The following DOCK1 variants were observed in gnomAD, a reference collection of about 807,000 sequenced individuals.
DOCK1 encodes dedicator of cytokinesis protein 1.
Under a neutral mutation model 262.7 loss-of-function variants are expected in DOCK1, and 138 were observed. The observed-to-expected ratio is 0.53, with a 90% confidence interval of 0.46 to 0.61. DOCK1 has a LOEUF of 0.61. DOCK1 is among the 20% of genes least tolerant of loss of function. The probability of loss-of-function intolerance (pLI) is 0.00; values close to 1 mark genes in which losing one functional copy is unlikely to be tolerated. For synonymous variants in DOCK1, 866 were observed against 867.4 expected, an observed-to-expected ratio of 1.00 and a Z score of 0.03; for missense variants, 1,908 against 2,370.7, an observed-to-expected ratio of 0.80 and a Z score of 4.05.
At chr10:127,017,196 C>G (rs1479328660) in intron 12 of DOCK1, among the ~76,000 whole-genome samples, 2 of 145,072 alleles carry the variant, frequency 1.4e-5, no homozygotes, top group African/African-American at 5.1e-5. Context: ...CACATACACA[C>G]GCACACACAG....
At chr10:127,198,355 T>C (rs1365736978) in intron 27 of DOCK1, among the ~76,000 whole-genome samples, 3 of 152,232 alleles carry the variant, frequency 2.0e-5, no homozygotes, top group African/African-American at 7.2e-5. Context: ...AAAATTGAAA[T>C]CTGCCTTCCG....
chr10:127,397,919 G>T (rs528456811), intron 38 of DOCK1, among the ~76,000 whole-genome samples: 1 of 152,008 alleles, frequency 6.6e-6, no homozygotes, highest in East Asian at 1.9e-4. Flanking sequence ...ATGGCTCCTG[G>T]ATGACACAAA....
intron 33 of DOCK1, among the ~76,000 whole-genome samples, chr10:127,372,439 C>T (rs1033119242): frequency 1.3e-5 from 2 of 152,144 alleles, no homozygotes; most frequent in African/African-American, 4.8e-5. Flanking sequence ...ATTTATCAAC[C>T]CTCTAGACCG....
At chr10:127,381,812 T>C (rs2065840730) in intron 37 of DOCK1, among the ~76,000 whole-genome samples, 4 of 152,246 alleles carry the variant, frequency 2.6e-5, no homozygotes, top group Admixed American at 2.6e-4. Flanking sequence ...TCAGTTCACG[T>C]TGAGACCTCC....
intron 21 of DOCK1, among the ~76,000 whole-genome samples, chr10:127,043,578 A>G (rs1207031613): frequency 6.6e-6 from 1 of 152,216 alleles, no homozygotes; most frequent in Non-Finnish European, 1.5e-5. Flanking sequence ...TTTGCAATGT[A>G]TCTCCTTGCT....
intron 27 of DOCK1, among the ~76,000 whole-genome samples, chr10:127,150,412 A>T (rs1025182483): frequency 1.3e-5 from 2 of 152,200 alleles, no homozygotes; most frequent in African/African-American, 4.8e-5. Context: ...CCACCAGGGC[A>T]GAATCACACA....
intron 48 of DOCK1, among the ~76,000 whole-genome samples, chr10:127,436,925 C>A (rs2069726034): frequency 2.0e-5 from 3 of 151,950 alleles, no homozygotes; most frequent in African/African-American, 7.3e-5. Context: ...CTCTTTAAGT[C>A]TCTTTTAGTC....
At chr10:127,427,223 A>AAGGAAGGCGAGCTGT (rs1462402158) in intron 47 of DOCK1, among the ~76,000 whole-genome samples, 20 of 152,294 alleles carry the variant, frequency 1.3e-4, no homozygotes, top group African/African-American at 4.6e-4. Flanking sequence ...TCCCCGGCAA[A>AAGGAAGGCGAGCTGT]AGGAAGGCGA....
chr10:127,217,301 C>T (rs1386688929), intron 27 of DOCK1, among the ~76,000 whole-genome samples: 3 of 152,120 alleles, frequency 2.0e-5, no homozygotes, highest in Admixed American at 1.3e-4. Context: ...AGAACATAAG[C>T]GGTTTAAGTA....
intron 12 of DOCK1, among the ~76,000 whole-genome samples, chr10:127,017,548 C>CAT (rs1377713759): frequency 1.3e-5 from 2 of 151,868 alleles, no homozygotes; most frequent in African/African-American, 4.8e-5. Flanking sequence ...CACACAGACA[C>CAT]ACACACACAC....
At chr10:126,914,251 G>A (rs2032207898) in intron 1 of DOCK1, among the ~76,000 whole-genome samples, 1 of 152,170 alleles carries the variant, frequency 6.6e-6, no homozygotes, top group Non-Finnish European at 1.5e-5. Flanking sequence ...GATGAAGGCA[G>A]ATCTCTACAT....
chr10:127,249,412 T>TAG (rs2059544382), intron 28 of DOCK1, among the ~76,000 whole-genome samples: 1 of 35,754 alleles, frequency 2.8e-5, no homozygotes, highest in Non-Finnish European at 5.9e-5. Context: ...TACATATATA[T>TAG]ATACATGTAC....
At position 127,409,132 on chromosome 10, in the gene DOCK1, G is replaced by A; in HGVS notation, c.4218G>A (p.Lys1406=). The change falls in exon 41 of 52, where the codon AAG becomes AAA. Residue 1406 remains lysine, a synonymous_variant. Transcript: ENST00000623213. ...AGTTTCCAAACGCCGAGAAAATGAA[G>A]ACAACATCTCCACCAGGCGACGATA... The part of the protein sequence containing the change: ...LTQFPNAEKM[K]TTSPPGDDIK... The A allele has an allele frequency of 1.9e-6, 3 of 1,612,248 alleles. No individual in the cohort carries two copies. The highest frequency in any genetic ancestry group is 2.5e-6 in the Non-Finnish European group (3 of 1,179,094).
At chr10:126,910,135 T>A (rs1414138288) in intron 1 of DOCK1, among the ~76,000 whole-genome samples, 1 of 152,216 alleles carries the variant, frequency 6.6e-6, no homozygotes, top group African/African-American at 2.4e-5. Flanking sequence ...TTAGATTTGA[T>A]CATAAGTAAA....
At chr10:127,106,529 G>T (rs1370592225) in intron 24 of DOCK1, among the ~76,000 whole-genome samples, 1 of 152,104 alleles carries the variant, frequency 6.6e-6, no homozygotes, top group Non-Finnish European at 1.5e-5. Flanking sequence ...TAAGAAGATT[G>T]TTTACAGTCT....
intron 1 of DOCK1, among the ~76,000 whole-genome samples, chr10:126,950,917 ATGG>A (rs2036160775): frequency 6.6e-6 from 1 of 151,806 alleles, no homozygotes; most frequent in Admixed American, 6.6e-5. Context: ...ATTGTTGATG[ATGG>A]TGGTTGGTAG....
intron 28 of DOCK1, among the ~76,000 whole-genome samples, chr10:127,250,249 T>G (rs2059579093): frequency 6.6e-6 from 1 of 152,202 alleles, no homozygotes; most frequent in Admixed American, 6.5e-5. Flanking sequence ...CGTGCAAACA[T>G]GTAATCTGAA....
intron 27 of DOCK1, among the ~76,000 whole-genome samples, chr10:127,220,601 G>A (rs2058392478): frequency 6.6e-6 from 1 of 151,994 alleles, no homozygotes; most frequent in South Asian, 2.1e-4. Flanking sequence ...AAGGGAAGAA[G>A]GAGCTTTGTG....
At chr10:127,133,511 A>G (rs560367636) in intron 27 of DOCK1, among the ~76,000 whole-genome samples, 19 of 152,256 alleles carry the variant, frequency 1.2e-4, no homozygotes, top group Non-Finnish European at 2.4e-4. Context: ...GTGTGCACCA[A>G]TGGTTTTATA....
Sources: gnomAD v4.1 joint callset for allele counts (sites outside exome capture counted in the v4.1 genomes callset) on GRCh38, gnomAD v4.1.1 for gene constraint, MANE v1.5 for transcripts, NCBI Gene and HGNC (gene_info 2026-07-23, HGNC 2026-07-21) for gene names.